LRPPRC: variants seen among roughly 807,000 people sequenced by gnomAD.
The protein encoded by LRPPRC is leucine-rich PPR motif-containing protein, mitochondrial.
Under a neutral mutation model 180.3 loss-of-function variants are expected in LRPPRC, and 120 were observed. The observed-to-expected ratio is 0.67, with a 90% confidence interval of 0.57 to 0.77. LRPPRC has a LOEUF of 0.77. Among genes scored for constraint, LRPPRC ranks in the 30% least tolerant of loss-of-function variants. LRPPRC has a pLI of 0.00. For missense variants in LRPPRC, 2,012 were observed against 1,657.2 expected (o/e 1.21, Z -3.72); for synonymous variants, 723 against 600.0 (o/e 1.21, Z -3.00).
Position 43,974,259 on chromosome 2 carries a change from T to A in LRPPRC, c.1046A>T (p.Lys349Ile). ...AATTTGCAACGCTACATCTTCCAAT[T>A]TTTCAGTGACTAAAAGTAAAATGAG... ...MNLILLLVTE[K>I]LEDVALQILL... is the part of the protein sequence containing the mutation. Residue 349 changes from lysine (K) to isoleucine (I), a missense_variant, in exon 9 of 38, where the codon AAA becomes ATA. Coordinates refer to ENST00000260665, the MANE Select transcript of LRPPRC (RefSeq NM_133259.4). The A allele has an allele frequency of 6.2e-7, 1 of 1,612,280 alleles. No individual in the cohort carries two copies. The highest frequency in any genetic ancestry group is 8.5e-7 in the Non-Finnish European group (1 of 1,178,332).
chr2:43,929,448 C>T (rs528375319), intron 25 of LRPPRC, among the ~76,000 whole-genome samples: 5 of 152,046 alleles, frequency 3.3e-5, no homozygotes, highest in African/African-American at 9.7e-5. Flanking sequence ...GATTTGTATA[C>T]GTTTTATGGT....
chr2:43,974,284 G>A lies in LRPPRC; in HGVS notation c.1021C>T (p.Leu341Phe). Residue 341 changes from leucine to phenylalanine, a missense_variant, in exon 9 of 38, where the codon CTC (leucine) becomes TTC (phenylalanine). Transcript: ENST00000260665. ...TTTTCAGTGACTAAAAGTAAAATGA[G>A]GTTCATTGCATCTGGGAAGAAAACA... ...ERRYIPDAMN[L>F]ILLLVTEKLE... 1.2e-6 allele frequency: 2 copies of A among 1,611,030 alleles called. No homozygotes were observed. Among genetic ancestry groups the A allele is most frequent in the Non-Finnish European group, 8.5e-7 (1 of 1,177,278 alleles).
At chr2:43,950,160 AAAAC>A (rs1331390440) in intron 15 of LRPPRC, among the ~76,000 whole-genome samples, 4 of 152,206 alleles carry the variant, frequency 2.6e-5, no homozygotes, top group Non-Finnish European at 5.9e-5. Flanking sequence ...TAATGAGACT[AAAAC>A]AAAAGGGGTC....
intron 23 of LRPPRC, among the ~76,000 whole-genome samples, chr2:43,936,840 T>C (rs1161302807): frequency 6.6e-6 from 1 of 152,218 alleles, no homozygotes; most frequent in Non-Finnish European, 1.5e-5. Flanking sequence ...GCTGGATTAC[T>C]GTCATAGAAG....
intron 31 of LRPPRC, among the ~76,000 whole-genome samples, chr2:43,905,054 C>T (rs2105000079): frequency 6.6e-6 from 1 of 152,294 alleles, no homozygotes; most frequent in East Asian, 1.9e-4. Flanking sequence ...CACCCCAATC[C>T]CAATCCTCCC....
At position 43,889,805 on chromosome 2, in the gene LRPPRC, C is replaced by G; in HGVS notation, c.4057G>C (p.Asp1353His). ...HLTAKNTKLD[D>H]LFLKRYASLL... is the part of the protein sequence containing the mutation. ...GATGCGTAACGCTTTAGAAACAGAT[C>G]ATCCAATTTTGTATTCTTTGCAGTC... The change falls in exon 37 of 38, where the codon GAT becomes CAT. Residue 1353 changes from aspartate (D) to histidine (H), a missense_variant. Physicochemically the swap from Asp to His is moderately conservative, Grantham distance 81. Transcript: ENST00000260665. 1.9e-6 allele frequency: 3 copies of G among 1,610,742 alleles called. No homozygotes were observed. The highest frequency in any genetic ancestry group is 1.3e-5 in the African/African-American group (1 of 74,982).
At chr2:43,902,723 A>G (rs1423762967) in intron 31 of LRPPRC, 3 of 152,230 alleles carry the variant, frequency 2.0e-5, no homozygotes, top group Admixed American at 2.0e-4. Context: ...AAAAATATTT[A>G]TAATAAGCTT....
Position 43,982,340 on chromosome 2 carries a change from G to A in LRPPRC, c.244C>T (p.Gln82Ter), listed in dbSNP as rs754855090. Reference protein sequence around the residue: ...STFSSRKISNQFDWALMRLDL... With the variant: ...STFSSRKISN ...AGTCTCATTAGAGCCCAATCAAACT[G>A]ATTGGAAATCTTCCTAGAAGAAAAA... Residue 82 changes from glutamine to a stop codon, truncating the protein, a stop_gained, in exon 2 of 38, where the codon CAG becomes TAG. Transcript: ENST00000260665. LOFTEE classifies it high-confidence loss of function. The A allele has an allele frequency of 6.2e-7, 1 of 1,613,250 alleles. No homozygotes were observed. Among genetic ancestry groups the A allele is most frequent in the Non-Finnish European group, 8.5e-7 (1 of 1,179,392 alleles).
chr2:43,918,496 A>G (rs1443279584), intron 27 of LRPPRC, 98 bp from the exon 28 acceptor site: 3 of 932,728 alleles, frequency 3.2e-6, no homozygotes, highest in Non-Finnish European at 3.4e-6. Context: ...TGAAGAAAGC[A>G]TTATTCCAAA....
Position 43,975,236 on chromosome 2 carries a change from A to C in LRPPRC, c.738-19T>G, listed in dbSNP as rs759992467. The C allele has an allele frequency of 4.4e-6, 7 of 1,608,904 alleles. No homozygotes were observed. The South Asian group carries it at 6.6e-5, about 15-fold the overall frequency. On this transcript the variant is annotated intron_variant, in intron 6 of 37. Transcript: ENST00000260665. The stretch of plus-strand genomic sequence containing the variant: ...CATATCACTACAAGTTAATTCAAAA[A>C]ACAGATTATTATGCTTTTGCCAAAT...
chr2:43,933,854 T>C (rs1672177763), intron 25 of LRPPRC, among the ~76,000 whole-genome samples: 1 of 152,194 alleles, frequency 6.6e-6, no homozygotes, highest in African/African-American at 2.4e-5. Flanking sequence ...CAAAGAATTC[T>C]TTGGCAAAGA....
intron 29 of LRPPRC, among the ~76,000 whole-genome samples, chr2:43,913,251 C>T (rs1007073375): frequency 6.6e-6 from 1 of 152,162 alleles, no homozygotes; most frequent in Non-Finnish European, 1.5e-5. Context: ...GAAGTAACTA[C>T]ACTTTTCAGT....
chr2:43,973,908 A>G lies in LRPPRC; in HGVS notation c.1156-8T>C, dbSNP rs1259431579. 3 of 1,528,420 alleles carry G rather than the reference A, an allele frequency of 2.0e-6. No homozygotes were observed. The highest frequency in any genetic ancestry group is 1.4e-5 in the African/African-American group (1 of 73,228). The allele number at this position is 1,528,420 out of a possible 1,614,324, so 94.7% of individuals were successfully genotyped here. A position where few individuals can be genotyped will look rare whatever the true frequency, so the allele number is the denominator to read the frequency against. The stretch of plus-strand genomic sequence containing the variant: ...TGTTAGCTTCTCCACAGGCTGTGGG[A>G]AAAAAGTCACCACATTAGCTGGATT... On this transcript the variant is annotated splice_region_variant and splice_polypyrimidine_tract_variant and intron_variant, in intron 9 of 37. Coordinates refer to ENST00000260665, the MANE Select transcript of LRPPRC (RefSeq NM_133259.4).
intron 26 of LRPPRC, among the ~76,000 whole-genome samples, chr2:43,925,512 C>T (rs1237530649): frequency 6.6e-6 from 1 of 152,148 alleles, no homozygotes; most frequent in Non-Finnish European, 1.5e-5. Context: ...TTACACTCTT[C>T]TTGCCCTGTG....
intron 37 of LRPPRC, among the ~76,000 whole-genome samples, chr2:43,889,066 C>T (rs964452967): frequency 5.3e-5 from 8 of 152,122 alleles, no homozygotes; most frequent in Non-Finnish European, 1.0e-4. Context: ...CCTGTAATCC[C>T]GGCACTTTGG....
intron 29 of LRPPRC, among the ~76,000 whole-genome samples, chr2:43,916,477 T>C (rs1045252221): frequency 6.6e-6 from 1 of 152,072 alleles, no homozygotes; most frequent in African/African-American, 2.4e-5. Flanking sequence ...ACCTCTAACC[T>C]TGAGATATTG....
At chr2:43,971,485 TAA>T (rs528659622) in intron 11 of LRPPRC, among the ~76,000 whole-genome samples, 41 of 62,374 alleles carry the variant, frequency 6.6e-4, no homozygotes, top group South Asian at 2.6e-3. Flanking sequence ...TGTGTCACAG[TAA>T]AAAAAAAAAA....
At chr2:43,992,426 G>C (rs1674821998) in intron 1 of LRPPRC, among the ~76,000 whole-genome samples, 1 of 152,196 alleles carries the variant, frequency 6.6e-6, no homozygotes, top group Non-Finnish European at 1.5e-5. Context: ...CTAGAACGCA[G>C]GATGCCATGG....
At chr2:43,988,618 T>C (rs1334279560) in intron 1 of LRPPRC, among the ~76,000 whole-genome samples, 1 of 152,046 alleles carries the variant, frequency 6.6e-6, no homozygotes, top group Non-Finnish European at 1.5e-5. Flanking sequence ...CCTCTGAGTT[T>C]TTGTTTGTTT....
Sources: gnomAD v4.1 joint callset for allele counts (sites outside exome capture counted in the v4.1 genomes callset) on GRCh38, gnomAD v4.1.1 for gene constraint, MANE v1.5 for transcripts, NCBI Gene and HGNC (gene_info 2026-07-23, HGNC 2026-07-21) for gene names.